Variants in ANO3 observed in about 807,000 individuals in gnomAD.
The protein encoded by ANO3 is anoctamin-3.
In ANO3, 99 loss-of-function variants were observed where a neutral mutation model predicts 144.8. The ratio of observed to expected loss-of-function variants is 0.68; its 90% CI spans 0.58 to 0.81. The LOEUF (loss-of-function observed/expected upper bound fraction) is 0.81, where lower values mean the gene tolerates loss of function less well. Ranked by LOEUF, ANO3 falls within the 30% of genes least tolerant of loss-of-function variation. The pLI is 0.00. For missense variants in ANO3, 905 were observed against 1,202.2 expected (o/e 0.75, Z 3.66); for synonymous variants, 414 against 392.6 (o/e 1.05, Z -0.64).
In ANO3 at chr11:26,343,883, C is replaced by T. The variant is rs1414393191; in HGVS notation, c.46+11562C>T. Reference sequence around the variant, plus strand: ...AAGATGTTTACAAATCTACCTCCCTCCCACTTTTTCTGATACTTTTTCTGA... The same window carrying T: ...AAGATGTTTACAAATCTACCTCCCTTCCACTTTTTCTGATACTTTTTCTGA... On this transcript the variant is annotated intron_variant, in intron 1 of 26. Transcript: ENST00000256737. 3.3e-5 allele frequency among the ~76,000 whole-genome samples: 5 copies of T among 152,176 alleles called. 1 individual carries two copies. The highest frequency in any genetic ancestry group is 1.2e-4 in the African/African-American group (5 of 41,438).
intron 1 of ANO3, among the ~76,000 whole-genome samples, chr11:26,370,305 G>A (rs1041445994): frequency 1.3e-5 from 2 of 152,162 alleles, no homozygotes; most frequent in Non-Finnish European, 1.5e-5. Context: ...GCCATGAAAA[G>A]AAGGACGTGT....
chr11:26,245,763 G>A (rs920414395), intron 1 of ANO3, among the ~76,000 whole-genome samples: 1 of 152,176 alleles, frequency 6.6e-6, no homozygotes, highest in Non-Finnish European at 1.5e-5. Flanking sequence ...ATTGGGTACA[G>A]ATGTTTATAT....
intron 1 of ANO3, among the ~76,000 whole-genome samples, chr11:26,233,263 C>T (rs1852443420): frequency 6.6e-6 from 1 of 151,474 alleles, no homozygotes; most frequent in African/African-American, 2.4e-5. Context: ...AAAAAACAGC[C>T]CCATCAAAAA....
chr11:26,563,198 A>T (rs1340798423), intron 14 of ANO3: 2 of 1,612,486 alleles, frequency 1.2e-6, no homozygotes, highest in East Asian at 4.5e-5. Context: ...AGCCCACAAG[A>T]GTAAGCAATG....
chr11:26,265,018 G>A (rs1343585686), intron 1 of ANO3, among the ~76,000 whole-genome samples: 2 of 151,818 alleles, frequency 1.3e-5, no homozygotes, highest in African/African-American at 2.4e-5. Context: ...CAATAAAGTG[G>A]AAAACAGAAA....
In ANO3 at chr11:26,284,980, A is replaced by T. The variant is rs187107899; in HGVS notation, c.155-24665A>T. Among the ~76,000 whole-genome samples the T allele has an allele frequency of 2.6e-5, 4 of 152,308 alleles. No homozygotes were observed. The East Asian group carries it at 7.7e-4, about 29-fold the overall frequency. On this transcript the variant is annotated intron_variant, in intron 1 of 27. Coordinates refer to the ANO3 transcript ENST00000672621. ...AGTTTGTGGATATTTGGCATAGGTG[A>T]TCTCTAAATATACTTGAATCAAGCC...
At chr11:26,658,138 T>G (rs1853754852) in intron 26 of ANO3, among the ~76,000 whole-genome samples, 1 of 152,330 alleles carries the variant, frequency 6.6e-6, no homozygotes, top group East Asian at 1.9e-4. Context: ...TGGTAAGAGA[T>G]AGGGGTCTAG....
At chr11:26,413,279 T>G (rs1205117311) in intron 1 of ANO3, among the ~76,000 whole-genome samples, 1 of 152,028 alleles carries the variant, frequency 6.6e-6, no homozygotes, top group Non-Finnish European at 1.5e-5. Context: ...ATGCTTTTCA[T>G]ATAGGTGCTT....
At chr11:26,633,797 A>G (rs7942467) in intron 18 of ANO3, among the ~76,000 whole-genome samples, 52,810 of 151,996 alleles carry the variant, frequency 0.35, 9,769 homozygotes, top group South Asian at 0.48. Flanking sequence ...AAAACTTGGC[A>G]AGGCATGGTG....
intron 14 of ANO3, among the ~76,000 whole-genome samples, chr11:26,586,662 C>T (rs552075931): frequency 1.7e-4 from 26 of 150,228 alleles, no homozygotes; most frequent in African/African-American, 6.4e-4. Flanking sequence ...GCCACCACAC[C>T]CGGCTAACTT....
At chr11:26,239,875 C>T (rs1484949548) in intron 1 of ANO3, among the ~76,000 whole-genome samples, 1 of 152,178 alleles carries the variant, frequency 6.6e-6, no homozygotes, top group South Asian at 2.1e-4. Flanking sequence ...CTTGAGTTTT[C>T]AGTGACAGAT....
intron 13 of ANO3, among the ~76,000 whole-genome samples, chr11:26,556,463 G>GA (rs562223349): frequency 8.3e-4 from 118 of 142,692 alleles, no homozygotes; most frequent in Middle Eastern, 3.6e-3. Context: ...GAAACTTCAT[G>GA]AAAAAAAAAA....
intron 1 of ANO3, among the ~76,000 whole-genome samples, chr11:26,210,977 G>A (rs1851920564): frequency 1.3e-5 from 2 of 151,948 alleles, no homozygotes; most frequent in African/African-American, 4.8e-5. Context: ...GGATATTCAG[G>A]ACTTGAACTC....
At chr11:26,254,634 G>A (rs1853014067) in intron 1 of ANO3, among the ~76,000 whole-genome samples, 2 of 152,074 alleles carry the variant, frequency 1.3e-5, no homozygotes, top group African/African-American at 4.8e-5. Flanking sequence ...ACAACACTCT[G>A]TTTACCCTTT....
intron 17 of ANO3, among the ~76,000 whole-genome samples, chr11:26,602,065 T>G (rs541688426): frequency 6.6e-6 from 1 of 152,244 alleles, no homozygotes; most frequent in Non-Finnish European, 1.5e-5. Flanking sequence ...CGTTTTATGA[T>G]AGTGGATCAG....
intron 1 of ANO3, among the ~76,000 whole-genome samples, chr11:26,398,324 T>G (rs978677692): frequency 6.6e-6 from 1 of 152,016 alleles, no homozygotes; most frequent in African/African-American, 2.4e-5. Flanking sequence ...TCAAGGAGAA[T>G]GAGTTCTACA....
chr11:26,192,021 C>T (rs1055124473), intron 1 of ANO3, among the ~76,000 whole-genome samples: 4 of 152,074 alleles, frequency 2.6e-5, no homozygotes, highest in African/African-American at 9.7e-5. Context: ...CCAAATAACA[C>T]ATCATAGTAT....
At chr11:26,405,666 A>G (rs1857258694) in intron 1 of ANO3, among the ~76,000 whole-genome samples, 1 of 151,988 alleles carries the variant, frequency 6.6e-6, no homozygotes, top group African/African-American at 2.4e-5. Flanking sequence ...GCAAAATTAC[A>G]TATGCAACTT....
chr11:26,508,164 G>C lies in ANO3; in HGVS notation c.493G>C (p.Asp165His). The C allele has an allele frequency of 1.2e-6, 2 of 1,600,618 alleles. No homozygotes were observed. The highest frequency in any genetic ancestry group is 1.7e-6 in the Non-Finnish European group (2 of 1,176,070). Residue 165 changes from aspartate to histidine, a missense_variant, in exon 5 of 27, where the codon GAT (aspartate) becomes CAT (histidine). Physicochemically the swap from Asp to His is moderately conservative, Grantham distance 81. Around this residue, in one of 4 missense-constraint regions of ANO3, gnomAD observed 63 missense variants for 107.3 expected, o/e 0.59. Coordinates refer to ENST00000256737, the MANE Select transcript of ANO3 (RefSeq NM_031418.4). Reference sequence around the variant, plus strand: ...GTTCAAAGATGGCAAAAAGAGAATTGATTACATCTTGGTTTATAGAAAGAC... The same window carrying C: ...GTTCAAAGATGGCAAAAAGAGAATTCATTACATCTTGGTTTATAGAAAGAC... ...PLFKDGKKRIDYILVYRKTNI... is the reference protein window; with the variant it reads ...PLFKDGKKRIHYILVYRKTNI...
Sources: allele counts gnomAD v4.1 joint callset (sites outside exome capture counted in the v4.1 genomes callset), GRCh38; gene constraint gnomAD v4.1.1; regional missense constraint gnomAD v4.1.1; transcripts MANE v1.5; gene names NCBI Gene and HGNC (gene_info 2026-07-23, HGNC 2026-07-21).